ZDHHC17: variants seen among roughly 807,000 people sequenced by gnomAD.
The protein encoded by ZDHHC17 is palmitoyltransferase ZDHHC17.
ZDHHC17 carries 40 observed loss-of-function variants against 90.3 expected under a neutral mutation model. The ratio of observed to expected loss-of-function variants is 0.44; its 90% CI spans 0.34 to 0.58. The LOEUF (loss-of-function observed/expected upper bound fraction) is 0.58, where lower values mean the gene tolerates loss of function less well. ZDHHC17 is among the 20% of genes least tolerant of loss of function. ZDHHC17 has a pLI of 0.01. For missense variants in ZDHHC17, 614 were observed against 780.8 expected (o/e 0.79, Z 2.55); for synonymous variants, 235 against 252.4 (o/e 0.93, Z 0.65).
At chr12:76,830,711 A>C (rs1324023965) in intron 10 of ZDHHC17, among the ~76,000 whole-genome samples, 1 of 152,182 alleles carries the variant, frequency 6.6e-6, no homozygotes, top group Non-Finnish European at 1.5e-5. Context: ...TAAATTGGAC[A>C]TTAAAGTTTA....
At chr12:76,824,814 G>A (rs938793067) in intron 8 of ZDHHC17, among the ~76,000 whole-genome samples, 3 of 151,342 alleles carry the variant, frequency 2.0e-5, no homozygotes, top group African/African-American at 7.3e-5. Flanking sequence ...CTGCACTCCA[G>A]CCTGGGTGAC....
chr12:76,809,577 C>A, intron 4 of ZDHHC17, 136 bp from the exon 5 acceptor site: 1 of 639,688 alleles, frequency 1.6e-6, no homozygotes, highest in Non-Finnish European at 2.3e-6. Context: ...TGTATTTTGA[C>A]ATGTATCTAT....
At chr12:76,787,680 G>A (rs908015738) in intron 1 of ZDHHC17, among the ~76,000 whole-genome samples, 4 of 151,750 alleles carry the variant, frequency 2.6e-5, no homozygotes, top group Non-Finnish European at 4.4e-5. Flanking sequence ...AGAGTTGATG[G>A]TATTCTTACA....
At chr12:76,813,854 G>A (rs1953053098) in intron 5 of ZDHHC17, among the ~76,000 whole-genome samples, 1 of 151,950 alleles carries the variant, frequency 6.6e-6, no homozygotes, top group Non-Finnish European at 1.5e-5. Flanking sequence ...TTTTTAATGA[G>A]GAAGCTAAGA....
chr12:76,808,235 A>G (rs1374191566), intron 3 of ZDHHC17, among the ~76,000 whole-genome samples: 3 of 152,194 alleles, frequency 2.0e-5, no homozygotes, highest in Admixed American at 6.5e-5. Context: ...ATTTGATATC[A>G]TATACCTTGG....
At chr12:76,793,753 C>G (rs1448270607) in intron 1 of ZDHHC17, among the ~76,000 whole-genome samples, 1 of 152,162 alleles carries the variant, frequency 6.6e-6, no homozygotes, top group African/African-American at 2.4e-5. Flanking sequence ...CAAGCTGCTT[C>G]TAATGGAATT....
intron 1 of ZDHHC17, among the ~76,000 whole-genome samples, chr12:76,790,560 TAC>T (rs1335125017): frequency 1.3e-5 from 2 of 152,168 alleles, no homozygotes; most frequent in Admixed American, 1.3e-4. Flanking sequence ...ATACACTGCA[TAC>T]AATACGATAC....
At chr12:76,765,556 C>T (rs1462124732) in intron 1 of ZDHHC17, among the ~76,000 whole-genome samples, 1 of 152,190 alleles carries the variant, frequency 6.6e-6, no homozygotes, top group African/African-American at 2.4e-5. Context: ...TTGTAGACAT[C>T]TCTTTTGGTT....
chr12:76,780,057 G>C (rs1020970571), intron 1 of ZDHHC17, among the ~76,000 whole-genome samples: 2 of 152,116 alleles, frequency 1.3e-5, no homozygotes, highest in Non-Finnish European at 2.9e-5. Context: ...TAGCTATATA[G>C]TAGGTCTTGG....
At position 76,848,302 on chromosome 12, in the gene ZDHHC17, C is replaced by T. The variant is rs201804410; in HGVS notation, c.1577C>T (p.Thr526Met). 4 of 1,613,902 alleles carry T rather than the reference C, an allele frequency of 2.5e-6. No individual in the cohort carries two copies. The highest frequency in any genetic ancestry group is 1.7e-4 in the Middle Eastern group (1 of 6,058). ...GFWTYITQIA[T>M]CSPWMFWMFL... ...TGGACATACATTACTCAGATTGCCACGTGTTCACCTTGGATGTTTTGGATG... is the reference window on the plus strand; with the variant it reads ...TGGACATACATTACTCAGATTGCCATGTGTTCACCTTGGATGTTTTGGATG... Residue 526 changes from threonine (T) to methionine (M), a missense_variant, in exon 15 of 17, where the codon ACG (threonine) becomes ATG (methionine). By Grantham distance (81) the Thr-to-Met change is moderately conservative. This residue lies in a region of ZDHHC17 where 111 missense variants were observed against 179.8 expected (regional missense o/e 0.62). Transcript: ENST00000426126.
At chr12:76,818,055 A>G (rs1397078898) in intron 7 of ZDHHC17, among the ~76,000 whole-genome samples, 1 of 151,972 alleles carries the variant, frequency 6.6e-6, no homozygotes, top group Non-Finnish European at 1.5e-5. Context: ...GTCACATGTA[A>G]TAGAGGTTGG....
intron 5 of ZDHHC17, among the ~76,000 whole-genome samples, chr12:76,814,050 G>C (rs966789300): frequency 1.3e-5 from 2 of 151,986 alleles, no homozygotes; most frequent in Non-Finnish European, 2.9e-5. Context: ...ATGGATTTGA[G>C]ATGATTTTTA....
intron 7 of ZDHHC17, chr12:76,821,144 A>G (rs1953159051): frequency 7.8e-7 from 1 of 1,282,002 alleles, no homozygotes; most frequent in East Asian, 5.6e-5. Context: ...GGGAGTTGTT[A>G]CCCAAGGGAT....
intron 9 of ZDHHC17, among the ~76,000 whole-genome samples, chr12:76,827,952 T>G (rs996078598): frequency 2.0e-5 from 3 of 152,124 alleles, no homozygotes; most frequent in Non-Finnish European, 4.4e-5. Flanking sequence ...TGAAAAGATG[T>G]GCTCCAACTT....
intron 2 of ZDHHC17, among the ~76,000 whole-genome samples, chr12:76,800,354 A>T (rs770021163): frequency 6.6e-6 from 1 of 152,220 alleles, no homozygotes; most frequent in Non-Finnish European, 1.5e-5. Flanking sequence ...AAAATACATG[A>T]ATCCAGGCTG....
In ZDHHC17 at chr12:76,764,224, G is replaced by C. The variant is rs955977337; in HGVS notation, c.-13G>C. On this transcript the variant is annotated 5_prime_UTR_variant, in exon 1 of 17. Coordinates refer to ENST00000426126, the MANE Select transcript of ZDHHC17 (RefSeq NM_015336.4). ...CGCCCGAGCCCCGGGAGGGTGAAAC[G>C]CTTTCTCCCAGCATGCAGCGGGAGG... is the stretch of plus-strand genomic sequence containing the variant. The C allele has an allele frequency of 1.3e-6, 2 of 1,577,010 alleles. No individual in the cohort carries two copies. Among genetic ancestry groups the C allele is most frequent in the Non-Finnish European group, 1.7e-6 (2 of 1,160,736 alleles).
chr12:76,853,701 G>A (rs2137814868), downstream of ZDHHC17: 1 of 152,410 alleles, frequency 6.6e-6, no homozygotes, highest in East Asian at 1.9e-4. Flanking sequence ...TCTTAAGTGT[G>A]TGCTTATGAT....
In ZDHHC17 at chr12:76,836,366, G is replaced by A. The variant is rs146631656; in HGVS notation, c.1142-5616G>A. The stretch of plus-strand genomic sequence containing the variant: ...ATATATATATATATTTTAGTGATTT[G>A]TCCATTTCTTTTCTTTTAAAATGTG... On this transcript the variant is annotated intron_variant, in intron 10 of 16. Coordinates refer to ENST00000426126, the MANE Select transcript of ZDHHC17 (RefSeq NM_015336.4). Among the ~76,000 whole-genome samples the A allele has an allele frequency of 5.3e-3, 803 of 151,498 alleles. 2 individuals are homozygous for A. Among genetic ancestry groups the A allele is most frequent in the Non-Finnish European group, 8.8e-3 (594 of 67,844 alleles).
intron 1 of ZDHHC17, among the ~76,000 whole-genome samples, chr12:76,786,105 C>G (rs1952681859): frequency 7.0e-6 from 1 of 142,154 alleles, no homozygotes; most frequent in African/African-American, 2.6e-5. Flanking sequence ...TTTTCTTTTT[C>G]TTTCTTTTCT....
Sources: gnomAD v4.1 joint callset for allele counts (sites outside exome capture counted in the v4.1 genomes callset) on GRCh38, gnomAD v4.1.1 for gene constraint, gnomAD v4.1.1 regional missense constraint, MANE v1.5 for transcripts, NCBI Gene and HGNC (gene_info 2026-07-23, HGNC 2026-07-21) for gene names.